Variants in FRMD6 observed in about 807,000 individuals in gnomAD.
FRMD6 encodes FERM domain-containing protein 6.
In FRMD6, 37 loss-of-function variants were observed where a neutral mutation model predicts 73.2. That is an observed-to-expected ratio of 0.51 (90% CI 0.39 to 0.66). FRMD6 has a LOEUF of 0.66. FRMD6 is among the 30% of genes least tolerant of loss of function. The pLI is 0.00. For synonymous variants in FRMD6, 273 were observed against 282.2 expected (o/e 0.97, Z 0.33); for missense variants, 714 against 780.5 (o/e 0.91, Z 1.02).
At chr14:51,456,246 C>A in the FRMD6 span, among the ~76,000 whole-genome samples, 1 of 152,110 alleles carries the variant, frequency 6.6e-6, no homozygotes, top group East Asian at 1.9e-4. Context: ...TGGTTTGTTG[C>A]CCTTATCAAC....
chr14:51,693,775 G>T (rs1481644675), intron 2 of FRMD6, among the ~76,000 whole-genome samples: 1 of 152,106 alleles, frequency 6.6e-6, no homozygotes, highest in Non-Finnish European at 1.5e-5. Context: ...TTATTTCAGG[G>T]CAGGTCTAAG....
chr14:51,500,754 A>ATG (rs1491090407), intron 1 of FRMD6, among the ~76,000 whole-genome samples: 19 of 152,002 alleles, frequency 1.2e-4, no homozygotes, highest in African/African-American at 4.4e-4. Context: ...ACATATATAC[A>ATG]TATGTGTGTG....
intron 1 of FRMD6, among the ~76,000 whole-genome samples, chr14:51,652,995 A>C (rs2140102510): frequency 6.6e-6 from 1 of 152,314 alleles, no homozygotes; most frequent in Middle Eastern, 3.4e-3. Flanking sequence ...TGTCCAAAGA[A>C]ATATTAGCTC....
chr14:51,565,192 C>T (rs1230047230), intron 1 of FRMD6: 1 of 152,242 alleles, frequency 6.6e-6, no homozygotes, highest in Non-Finnish European at 1.5e-5. Context: ...AAGTTCTTGA[C>T]ACTAATGCCT....
chr14:51,454,215 A>G, the FRMD6 span, among the ~76,000 whole-genome samples: 1 of 152,168 alleles, frequency 6.6e-6, no homozygotes. Flanking sequence ...CCACGTACAC[A>G]ATGCTTTCCA....
At chr14:51,662,099 A>G (rs1176283154) in intron 1 of FRMD6, among the ~76,000 whole-genome samples, 1 of 152,168 alleles carries the variant, frequency 6.6e-6, no homozygotes, top group Admixed American at 6.5e-5. Context: ...ATGTCTTTGG[A>G]TGAGAACTAT....
chr14:51,528,544 A>C (rs1053774542), intron 1 of FRMD6, among the ~76,000 whole-genome samples: 1 of 152,146 alleles, frequency 6.6e-6, no homozygotes, highest in Non-Finnish European at 1.5e-5. Context: ...CCAAAGGTAA[A>C]ACACCAAGAT....
intron 2 of FRMD6, among the ~76,000 whole-genome samples, chr14:51,578,030 C>A (rs915277605): frequency 1.3e-5 from 2 of 152,126 alleles, no homozygotes; most frequent in Non-Finnish European, 1.5e-5. Context: ...TAGCTCCTGT[C>A]CTATGGTTAA....
intron 1 of FRMD6, among the ~76,000 whole-genome samples, chr14:51,545,532 G>T (rs1886419724): frequency 6.6e-6 from 1 of 151,970 alleles, no homozygotes; most frequent in Admixed American, 6.6e-5. Context: ...AATCAGCCAG[G>T]GTGGGAGTAT....
intron 2 of FRMD6, among the ~76,000 whole-genome samples, chr14:51,690,626 T>C (rs1458571091): frequency 6.6e-6 from 1 of 152,168 alleles, no homozygotes; most frequent in African/African-American, 2.4e-5. Context: ...CCTCAGGTGA[T>C]CCGCGTCAGC....
the FRMD6 span, among the ~76,000 whole-genome samples, chr14:51,441,023 C>A: frequency 6.6e-6 from 1 of 152,216 alleles, no homozygotes; most frequent in Non-Finnish European, 1.5e-5. Context: ...CCACTTGATA[C>A]CTGTTGTGGC....
intron 2 of FRMD6, among the ~76,000 whole-genome samples, chr14:51,616,957 T>C (rs966957424): frequency 6.6e-6 from 1 of 152,208 alleles, no homozygotes; most frequent in Non-Finnish European, 1.5e-5. Flanking sequence ...TTTTATACAC[T>C]TCCCTTTTTG....
intron 1 of FRMD6, among the ~76,000 whole-genome samples, chr14:51,652,414 C>G (rs1052856710): frequency 6.6e-6 from 1 of 152,342 alleles, no homozygotes; most frequent in East Asian, 1.9e-4. Context: ...TCGCGGAGGT[C>G]CCCGGATCAC....
chr14:51,505,264 T>A (rs1018484478), intron 1 of FRMD6, among the ~76,000 whole-genome samples: 2 of 152,136 alleles, frequency 1.3e-5, no homozygotes, highest in Admixed American at 6.5e-5. Context: ...AGAGACAGGG[T>A]CTCCTTATGT....
the FRMD6 span, among the ~76,000 whole-genome samples, chr14:51,429,019 T>TGGGAGAGAGAG: frequency 1.0e-4 from 6 of 60,112 alleles, 1 homozygote; most frequent in Admixed American, 3.8e-4. Context: ...AGAGAGAGGG[T>TGGGAGAGAGAG]GGGAGAGAGA....
intron 1 of FRMD6, among the ~76,000 whole-genome samples, chr14:51,509,367 T>C (rs1390352560): frequency 6.6e-6 from 1 of 151,666 alleles, no homozygotes; most frequent in African/African-American, 2.4e-5. Context: ...ACTAAAAAAA[T>C]ACAAAAAAAT....
At chr14:51,489,700 A>C (rs1471382145) in intron 1 of FRMD6, among the ~76,000 whole-genome samples, 4 of 152,216 alleles carry the variant, frequency 2.6e-5, no homozygotes, top group Non-Finnish European at 5.9e-5. Context: ...ATGACTTGAC[A>C]GTGCCTGTGC....
At chr14:51,602,972 A>C (rs1890097692) in intron 2 of FRMD6, among the ~76,000 whole-genome samples, 1 of 152,238 alleles carries the variant, frequency 6.6e-6, no homozygotes, top group African/African-American at 2.4e-5. Context: ...GCATCACCTC[A>C]AAATTCATGT....
At position 51,685,881 on chromosome 14, in the gene FRMD6, C is replaced by T. The variant is rs564126235; in HGVS notation, c.-146-3810C>T. Among the ~76,000 whole-genome samples, 15 of 152,260 alleles carry T rather than the reference C, an allele frequency of 9.9e-5. No homozygotes were observed. In the South Asian group the frequency reaches 3.1e-3, roughly 32 times the overall value. ...TACCGTACTGTGTGTGTAACACGAG[C>T]TGTATAAATGTGTGATGATTAAATT... On this transcript the variant is annotated intron_variant, in intron 1 of 13. Coordinates refer to ENST00000344768, the MANE Select transcript of FRMD6 (RefSeq NM_001267046.2).
Sources: gnomAD v4.1 joint callset for allele counts (sites outside exome capture counted in the v4.1 genomes callset) on GRCh38, gnomAD v4.1.1 for gene constraint, MANE v1.5 for transcripts, NCBI Gene and HGNC (gene_info 2026-07-23, HGNC 2026-07-21) for gene names.